The following MEP1A variants were observed in gnomAD, a reference collection of about 807,000 sequenced individuals.
The protein encoded by MEP1A is meprin A subunit alpha, also known as N-benzoyl-L-tyrosyl-P-amino-benzoic acid hydrolase subunit alpha.
In MEP1A, 68 loss-of-function variants were observed where a neutral mutation model predicts 84.5. The ratio of observed to expected loss-of-function variants is 0.80; its 90% confidence interval spans 0.66 to 0.98. The LOEUF (loss-of-function observed/expected upper bound fraction) is 0.98. Ranked by LOEUF, MEP1A falls within the 50% of genes least tolerant of loss-of-function variation. The pLI, the probability that MEP1A is intolerant of heterozygous loss-of-function variation, is 0.00. For missense variants in MEP1A, 887 were observed against 919.9 expected (o/e 0.96, Z 0.46); for synonymous variants, 337 against 336.8 (o/e 1.00, Z -0.01).
intron 5 of MEP1A, among the ~76,000 whole-genome samples, chr6:46,807,611 AGG>A: frequency 1.2e-5 from 1 of 80,700 alleles, no homozygotes; most frequent in Non-Finnish European, 2.4e-5. Context: ...GAAGGAAGGA[AGG>A]AAGGAAGGAA....
chr6:46,828,908 C>G (rs1031614186), intron 9 of MEP1A, among the ~76,000 whole-genome samples: 36 of 121,252 alleles, frequency 3.0e-4, no homozygotes, highest in Non-Finnish European at 5.7e-4. Flanking sequence ...GAAATTGAAC[C>G]CTTATTGTCA....
At position 46,793,689 on chromosome 6, in the gene MEP1A, C is replaced by A; in HGVS notation, c.118C>A (p.Gln40Lys). 6.2e-7 allele frequency: 1 copy of A among 1,609,728 alleles called. No individual in the cohort carries two copies. The highest frequency in any genetic ancestry group is 8.5e-7 in the Non-Finnish European group (1 of 1,176,762). Reference protein sequence around the residue: ...ENVHDADFGEQKDISEINLAA... With the variant: ...ENVHDADFGEKKDISEINLAA... ...AGTACATGATGCAGATTTTGGTGAA[C>A]AGAAGGATATTTCAGAAATCAATTT... Residue 40 changes from glutamine to lysine, a missense_variant, in exon 3 of 14, where the codon CAG becomes AAG. Physicochemically the swap from Gln to Lys is moderately conservative, Grantham distance 53 (BLOSUM62 1). Transcript: ENST00000230588.
At chr6:46,810,690 G>A (rs1297894499) in intron 6 of MEP1A, among the ~76,000 whole-genome samples, 1 of 152,086 alleles carries the variant, frequency 6.6e-6, no homozygotes, top group African/African-American at 2.4e-5. Context: ...CATGTGGCTT[G>A]CCAATTATCC....
chr6:46,833,577 C>A (rs573730231), intron 11 of MEP1A, 39 bp downstream of exon 11: 34 of 1,416,868 alleles, frequency 2.4e-5, no homozygotes, highest in Non-Finnish European at 3.3e-5. Context: ...GCCCCTTGAA[C>A]CAGAGAGGCC....
chr6:46,823,316 A>G (rs1318774069), intron 7 of MEP1A, among the ~76,000 whole-genome samples: 1 of 152,140 alleles, frequency 6.6e-6, no homozygotes, highest in Non-Finnish European at 1.5e-5. Flanking sequence ...TAATTGTTCA[A>G]AGTAACTGGA....
At chr6:46,816,179 C>A (rs945319121) in intron 6 of MEP1A, among the ~76,000 whole-genome samples, 2 of 151,980 alleles carry the variant, frequency 1.3e-5, no homozygotes, top group African/African-American at 4.8e-5. Context: ...CTCAGGTAAT[C>A]GGCCCACCTC....
chr6:46,823,115 G>T (rs1052881652), intron 7 of MEP1A, among the ~76,000 whole-genome samples: 32 of 152,108 alleles, frequency 2.1e-4, no homozygotes, highest in African/African-American at 6.3e-4. Context: ...CCCATGATTT[G>T]GGAGAATGAA....
chr6:46,839,072 C>T lies in MEP1A; in HGVS notation c.2177C>T (p.Thr726Met), dbSNP rs1804211. The T allele has an allele frequency of 0.34, 544,009 of 1,612,658 alleles. 95,365 individuals carry two copies. Among genetic ancestry groups the T allele is most frequent in the Admixed American group, 0.38 (22,880 of 59,988 alleles). ...GTCCTGGGCATGGTGATCGGAGGCACGGCTGGCGTGATCTTCTTGACCTTC... is the reference window on the plus strand; with the variant it reads ...GTCCTGGGCATGGTGATCGGAGGCATGGCTGGCGTGATCTTCTTGACCTTC... ...GSVLGMVIGG[T>M]AGVIFLTFSI... Residue 726 changes from threonine (T) to methionine (M), a missense_variant, in exon 14 of 14, where the codon ACG becomes ATG. Thr to Met is a moderately conservative substitution (Grantham distance 81). Transcript: ENST00000230588.
intron 10 of MEP1A, 114 bp downstream of exon 10, chr6:46,829,685 C>T: frequency 1.3e-6 from 1 of 740,968 alleles, no homozygotes; most frequent in East Asian, 2.5e-5. Context: ...TCCTCCTTTT[C>T]CTCCACCCAC....
chr6:46,797,830 CTT>C (rs1767087594), intron 3 of MEP1A, among the ~76,000 whole-genome samples: 5 of 146,012 alleles, frequency 3.4e-5, no homozygotes, highest in Non-Finnish European at 6.0e-5. Flanking sequence ...TTCTTTCTTT[CTT>C]TCTTTCTCTC....
chr6:46,813,149 G>A (rs752016194), intron 6 of MEP1A, among the ~76,000 whole-genome samples: 6 of 151,940 alleles, frequency 3.9e-5, no homozygotes, highest in Non-Finnish European at 8.8e-5. Context: ...AGGGTCTCCA[G>A]AATTAGGTAA....
intron 5 of MEP1A, among the ~76,000 whole-genome samples, chr6:46,804,254 C>A (rs1412034222): frequency 6.6e-6 from 1 of 151,162 alleles, no homozygotes; most frequent in African/African-American, 2.4e-5. Flanking sequence ...CTTTATTTTG[C>A]CTAAATTTTG....
chr6:46,817,501 G>A (rs1767667938), intron 6 of MEP1A, among the ~76,000 whole-genome samples: 1 of 152,138 alleles, frequency 6.6e-6, no homozygotes, highest in Non-Finnish European at 1.5e-5. Flanking sequence ...ACTGCATTTT[G>A]TCCCTTGGCA....
intron 5 of MEP1A, among the ~76,000 whole-genome samples, chr6:46,807,670 A>G (rs1314803627): frequency 6.8e-6 from 1 of 147,232 alleles, no homozygotes. Flanking sequence ...GAGAAGAAGG[A>G]GGAGGAGGAG....
At chr6:46,815,319 G>A (rs940280236) in intron 6 of MEP1A, among the ~76,000 whole-genome samples, 4 of 152,152 alleles carry the variant, frequency 2.6e-5, no homozygotes, top group Non-Finnish European at 5.9e-5. Context: ...TATACTCCAG[G>A]AGGGATTATG....
intron 5 of MEP1A, among the ~76,000 whole-genome samples, chr6:46,806,865 G>C (rs112019319): frequency 6.6e-6 from 1 of 151,932 alleles, no homozygotes; most frequent in African/African-American, 2.4e-5. Context: ...AAATTAGAGC[G>C]TGCCCTCATG....
At chr6:46,812,543 T>C (rs1207292436) in intron 6 of MEP1A, among the ~76,000 whole-genome samples, 1 of 151,966 alleles carries the variant, frequency 6.6e-6, no homozygotes, top group African/African-American at 2.4e-5. Context: ...TCTCCAATTC[T>C]GTGTGGTGTA....
rs199863964 is a variant in MEP1A, at chr6:46,825,420, T to C, written c.705T>C (p.Phe235=). 125 of 1,613,918 alleles carry C rather than the reference T, an allele frequency of 7.7e-5. No homozygotes were observed. The East Asian group carries it at 2.7e-3, about 35-fold the overall frequency. Residue 235 remains phenylalanine (F), a synonymous_variant, in exon 8 of 14, where the codon TTT becomes TTC. Transcript: ENST00000230588. ...VPTITAKIPE[F]NSIIGQRLDF... is the part of the protein sequence containing the mutation. ...CCATCACAGCCAAGATCCCTGAGTT[T>C]AACTCCATTATCGGACAGCGCCTGG...
At chr6:46,794,908 C>G (rs1341174626) in intron 3 of MEP1A, among the ~76,000 whole-genome samples, 1 of 152,126 alleles carries the variant, frequency 6.6e-6, no homozygotes, top group Non-Finnish European at 1.5e-5. Flanking sequence ...ACTCTTTAGG[C>G]CCACCACCAC....
Sources: gnomAD v4.1 joint callset for allele counts (sites outside exome capture counted in the v4.1 genomes callset) on GRCh38, gnomAD v4.1.1 for gene constraint, MANE v1.5 for transcripts, NCBI Gene and HGNC (gene_info 2026-07-23, HGNC 2026-07-21) for gene names.